Variants in PLD4 observed in about 807,000 individuals in gnomAD.
PLD4 encodes the protein phospholipase D family member 4.
In PLD4, 54 loss-of-function variants were observed where a neutral mutation model predicts 52.3. That is an observed-to-expected ratio of 1.03 (90% confidence interval 0.83 to 1.30). PLD4 has a LOEUF of 1.30. Ranked by LOEUF, PLD4 falls within the 50% of genes most tolerant of loss-of-function variation. PLD4 has a pLI of 0.00. For missense variants in PLD4, 731 were observed against 671.1 expected (o/e 1.09, Z -0.99); for synonymous variants, 264 against 286.5 (o/e 0.92, Z 0.79).
intron 7 of PLD4, among the ~76,000 whole-genome samples, chr14:104,931,402 G>T (rs1249560760): frequency 1.3e-5 from 2 of 152,126 alleles, no homozygotes; most frequent in African/African-American, 4.8e-5. Flanking sequence ...CGAGGGACTG[G>T]TCTGTAGTAG....
In PLD4 at chr14:104,932,858, C is replaced by A; in HGVS notation, c.1415C>A (p.Thr472Lys). 6.2e-7 allele frequency: 1 copy of A among 1,604,696 alleles called. No individual in the cohort carries two copies. The highest frequency in any genetic ancestry group is 8.5e-7 in the Non-Finnish European group (1 of 1,176,368). Reference protein sequence around the residue: ...QSPGAQPAGATVQEQLRQLFE... With the variant: ...QSPGAQPAGAKVQEQLRQLFE... ...CCTGGCGCGCAGCCCGCGGGGGCCACGGTGCAGGAGCAGCTGCGGCAGCTC... is the reference window on the plus strand; with the variant it reads ...CCTGGCGCGCAGCCCGCGGGGGCCAAGGTGCAGGAGCAGCTGCGGCAGCTC... The change falls in exon 11 of 11, where the codon ACG becomes AAG. Residue 472 changes from threonine (T) to lysine (K), a missense_variant. Coordinates refer to ENST00000392593, the MANE Select transcript of PLD4 (RefSeq NM_138790.5). This position sits in a 1 kb window ranked among gnomAD's most constrained non-coding sequence, Gnocchi z 6.5.
At position 104,932,169 on chromosome 14, in the gene PLD4, G is replaced by A. The variant is rs1897674262; in HGVS notation, c.1216G>A (p.Val406Met). The A allele has an allele frequency of 6.2e-7, 1 of 1,611,398 alleles. No individual in the cohort carries two copies. The highest frequency in any genetic ancestry group is 1.7e-5 in the Admixed American group (1 of 59,914). Residue 406 changes from valine (V) to methionine (M), a missense_variant, in exon 9 of 11, where the codon GTG (valine) becomes ATG (methionine). Coordinates refer to ENST00000392593, the MANE Select transcript of PLD4 (RefSeq NM_138790.5). This position sits in a 1 kb window ranked among gnomAD's most constrained non-coding sequence, Gnocchi z 6.5. Reference sequence around the variant, plus strand: ...CAGCAACCCCGCGGCCAACGTCTCTGTGGACGTGGTGAGGGCGTGCTCCCG... The same window carrying A: ...CAGCAACCCCGCGGCCAACGTCTCTATGGACGTGGTGAGGGCGTGCTCCCG... ...ALSNPAANVS[V>M]DVKVFIVPVG...
chr14:104,934,397 T>G (rs1897765886), downstream of PLD4: 1 of 152,176 alleles, frequency 6.6e-6, no homozygotes, highest in Admixed American at 6.5e-5. Flanking sequence ...GATGCAGGAT[T>G]TGAACCCAGG....
chr14:104,928,707 G>C (rs1308589709), intron 3 of PLD4, 42 bp from the exon 4 acceptor site: 1 of 1,506,260 alleles, frequency 6.6e-7, no homozygotes, highest in South Asian at 1.3e-5. Flanking sequence ...TGGGCTGGGG[G>C]CTCCCGCACC....
rs774541480 is a variant in PLD4, at chr14:104,932,404, G to A, written c.1321+49G>A. ...GGCGGGCCCCAGGGTGGCCAGGCAC[G>A]GGCGAGGGAGGCACTGGCTTTGTGA... On this transcript the variant is annotated intron_variant, in intron 10 of 10. Coordinates refer to ENST00000392593, the MANE Select transcript of PLD4 (RefSeq NM_138790.5). The surrounding 1 kb of genome is among the most constrained non-coding windows in gnomAD (Gnocchi z 6.5). 49 of 1,570,466 alleles carry A rather than the reference G, an allele frequency of 3.1e-5. No homozygotes were observed. Among genetic ancestry groups the A allele is most frequent in the Non-Finnish European group, 3.9e-5 (45 of 1,143,734 alleles).
chr14:104,930,286 G>A (rs1897600674), intron 6 of PLD4, among the ~76,000 whole-genome samples, 181 bp downstream of exon 6: 1 of 152,238 alleles, frequency 6.6e-6, no homozygotes, highest in Non-Finnish European at 1.5e-5. Flanking sequence ...CACAGCCACT[G>A]AATTCATGCT....
intron 7 of PLD4, 102 bp from the exon 8 acceptor site, chr14:104,931,646 C>T: frequency 2.8e-6 from 4 of 1,424,868 alleles, no homozygotes; most frequent in Non-Finnish European, 2.8e-6. Context: ...TGGGCCCCCT[C>T]CCTCCACACC....
intron 6 of PLD4, 87 bp from the exon 7 acceptor site, chr14:104,930,655 G>A: frequency 2.1e-6 from 3 of 1,434,258 alleles, no homozygotes; most frequent in Admixed American, 3.4e-5. Flanking sequence ...GACTGCACCT[G>A]CCCCAACATC....
intron 1 of PLD4, 42 bp from the exon 2 acceptor site, chr14:104,927,099 G>A: frequency 6.6e-7 from 1 of 1,505,662 alleles, no homozygotes; most frequent in South Asian, 1.3e-5. Context: ...GCAGTTCTGG[G>A]CAGAGCTGGA....
At chr14:104,925,993 C>G (rs1231531204) in intron 1 of PLD4, among the ~76,000 whole-genome samples, 1 of 152,198 alleles carries the variant, frequency 6.6e-6, no homozygotes, top group Non-Finnish European at 1.5e-5. Context: ...CATTTCCGCC[C>G]CATGCTGAGG....
In PLD4 at chr14:104,932,488, G is replaced by A; in HGVS notation, c.1321+133G>A. On this transcript the variant is annotated intron_variant, in intron 10 of 10. Transcript: ENST00000392593. This position sits in a 1 kb window ranked among gnomAD's most constrained non-coding sequence, Gnocchi z 6.5. ...GCTGAAGGGGGACGGGGTCTCCATG[G>A]AGTTCCGGGGACCAGGCCACCCGCC... 9.6e-7 allele frequency: 1 copy of A among 1,046,204 alleles called. No individual in the cohort carries two copies. The highest frequency in any genetic ancestry group is 3.1e-4 in the Middle Eastern group (1 of 3,180). The allele number at this position is 1,046,204 out of a possible 1,614,324, so 64.8% of individuals were successfully genotyped here.
rs1448807086 is a variant in PLD4, at chr14:104,927,188, C to G, written c.48C>G (p.Cys16Trp). Residue 16 changes from cysteine (C) to tryptophan (W), a missense_variant, in exon 2 of 11, where the codon TGC becomes TGG. Cys to Trp is a radical substitution (Grantham distance 215). Coordinates refer to ENST00000392593, the MANE Select transcript of PLD4 (RefSeq NM_138790.5). ...CAGCAGTGGCCCCCACATGGCCATG[C>G]TCCATGCCGCCCCGCCGCCCGTGGG... is the stretch of plus-strand genomic sequence containing the variant. ...WKAAVAPTWPCSMPPRRPWDR... is the reference protein window; with the variant it reads ...WKAAVAPTWPWSMPPRRPWDR... 1 of 1,562,184 alleles carries G rather than the reference C, an allele frequency of 6.4e-7. No homozygotes were observed. The highest frequency in any genetic ancestry group is 1.9e-5 in the Admixed American group (1 of 52,762).
chr14:104,937,615 A>G (rs1415598709), downstream of PLD4: 1 of 159,616 alleles, frequency 6.3e-6, no homozygotes, highest in African/African-American at 2.4e-5. Flanking sequence ...TGCCTGAAAT[A>G]GGAAAACTAT....
intron 6 of PLD4, 176 bp from the exon 7 acceptor site, chr14:104,930,566 G>T (rs909048733): frequency 1.6e-6 from 1 of 644,456 alleles, no homozygotes; most frequent in African/African-American, 1.8e-5. Context: ...GGCACCCGCT[G>T]GGCACTCCTC....
chr14:104,928,274 T>C (rs1897524071), intron 3 of PLD4, among the ~76,000 whole-genome samples: 1 of 152,020 alleles, frequency 6.6e-6, no homozygotes, highest in African/African-American at 2.4e-5. Flanking sequence ...CCTGCACACA[T>C]CCCCTGGAAA....
chr14:104,930,141 G>A, intron 6 of PLD4, 36 bp downstream of exon 6: 4 of 1,608,214 alleles, frequency 2.5e-6, no homozygotes, highest in South Asian at 1.1e-5. Context: ...AGGCCTGCCT[G>A]AAGCGTTTCC....
At chr14:104,926,712 G>A (rs1897467508) in intron 1 of PLD4, among the ~76,000 whole-genome samples, 2 of 152,252 alleles carry the variant, frequency 1.3e-5, no homozygotes, top group Admixed American at 1.3e-4. Context: ...AGCCCTTTCA[G>A]ACGCAGTTTC....
In PLD4 at chr14:104,927,836, C is replaced by T; in HGVS notation, c.254C>T (p.Ala85Val). The T allele has an allele frequency of 6.3e-7, 1 of 1,586,418 alleles. No individual in the cohort carries two copies. The highest frequency in any genetic ancestry group is 8.5e-7 in the Non-Finnish European group (1 of 1,170,246). ...AGCCCAGCTTGGGAGCCCCTGGAAG[C>T]AGAGGCCAGGCAGCAGAGGGACTCC... ...GSSPAWEPLE[A>V]EARQQRDSCQ... Residue 85 changes from alanine (A) to valine (V), a missense_variant, in exon 3 of 11, where the codon GCA becomes GTA. By Grantham distance (64) the Ala-to-Val change is moderately conservative. Transcript: ENST00000392593.
intron 1 of PLD4, among the ~76,000 whole-genome samples, chr14:104,926,281 C>T (rs1368749058): frequency 6.6e-6 from 1 of 152,212 alleles, no homozygotes; most frequent in Non-Finnish European, 1.5e-5. Flanking sequence ...CCATGCTGGG[C>T]ACAGACCCCT....
Sources: gnomAD v4.1 joint callset for allele counts (sites outside exome capture counted in the v4.1 genomes callset) on GRCh38, gnomAD v4.1.1 for gene constraint, Gnocchi (gnomAD v3.1) non-coding constraint, MANE v1.5 for transcripts, NCBI Gene and HGNC (gene_info 2026-07-23, HGNC 2026-07-21) for gene names.